Variants in NAV2 observed in about 807,000 individuals in gnomAD.
The protein encoded by NAV2 is helicase, APC down-regulated 1.
Under a neutral mutation model 223.2 loss-of-function variants are expected in NAV2, and 54 were observed. The observed-to-expected ratio is 0.24, with a 90% CI of 0.19 to 0.30. The LOEUF is 0.30. NAV2 is among the 10% of genes least tolerant of loss of function. NAV2 has a pLI of 1.00. For missense variants in NAV2, 2,806 were observed against 3,147.5 expected (o/e 0.89, Z 2.60); for synonymous variants, 1,279 against 1,239.3 (o/e 1.03, Z -0.67).
At chr11:19,701,364 G>A (rs559133880) in intron 1 of NAV2, among the ~76,000 whole-genome samples, 91 of 152,292 alleles carry the variant, frequency 6.0e-4, no homozygotes, top group Admixed American at 4.7e-3. Flanking sequence ...CAGCTTTGTC[G>A]GCCAGCCGCC....
intron 1 of NAV2, among the ~76,000 whole-genome samples, chr11:19,633,911 C>T (rs1224758505): frequency 1.3e-5 from 2 of 152,210 alleles, no homozygotes; most frequent in Non-Finnish European, 2.9e-5. Flanking sequence ...CTTTATCTGA[C>T]AAATGGGGAT....
intron 1 of NAV2, among the ~76,000 whole-genome samples, chr11:19,606,938 G>GGA (rs2046488493): frequency 6.6e-6 from 1 of 152,182 alleles, no homozygotes; most frequent in Admixed American, 6.5e-5. Flanking sequence ...CATTTTAACA[G>GGA]GATCTCCAAG....
In NAV2 at chr11:19,815,393, C is replaced by T. The variant is rs1590696550; in HGVS notation, c.268-17091C>T. Among the ~76,000 whole-genome samples the T allele has an allele frequency of 5.3e-5, 8 of 152,204 alleles. No homozygotes were observed. The South Asian group carries it at 1.7e-3, about 32-fold the overall frequency. On this transcript the variant is annotated intron_variant, in intron 1 of 37. Transcript: ENST00000349880. ...ATTTTTAACTCCTGGGGTCTAGGCT[C>T]ACTGCCCTGTGGAAGAGATTTCTTT...
At chr11:19,763,445 G>T (rs1442817783) in intron 1 of NAV2, among the ~76,000 whole-genome samples, 2 of 152,158 alleles carry the variant, frequency 1.3e-5, no homozygotes, top group African/African-American at 2.4e-5. Context: ...TCAGGGAAAT[G>T]GTGTAGACCC....
chr11:19,632,455 C>A (rs1391959831), intron 1 of NAV2, among the ~76,000 whole-genome samples: 1 of 151,974 alleles, frequency 6.6e-6, no homozygotes, highest in Non-Finnish European at 1.5e-5. Context: ...GGGAGTTATT[C>A]CACAATTGCA....
chr11:19,471,434 T>C (rs898683630), intron 1 of NAV2, among the ~76,000 whole-genome samples: 20 of 152,152 alleles, frequency 1.3e-4, no homozygotes, highest in Non-Finnish European at 2.4e-4. Context: ...ATTTCTTGAG[T>C]GCTTCCTCTG....
At chr11:19,759,284 C>T (rs970107657) in intron 1 of NAV2, among the ~76,000 whole-genome samples, 7 of 151,886 alleles carry the variant, frequency 4.6e-5, no homozygotes, top group African/African-American at 9.7e-5. Flanking sequence ...GGGGTTTCAC[C>T]GTGTTAGCCA....
intron 10 of NAV2, among the ~76,000 whole-genome samples, chr11:19,967,402 T>A (rs527852332): frequency 3.0e-3 from 95 of 32,130 alleles, no homozygotes; most frequent in African/African-American, 0.011. Context: ...AAGGCAGAGG[T>A]TTTTTTTTAG....
intron 22 of NAV2, among the ~76,000 whole-genome samples, chr11:20,073,743 C>G (rs1411188841): frequency 6.6e-6 from 1 of 151,040 alleles, no homozygotes; most frequent in African/African-American, 2.5e-5. Flanking sequence ...ATAGTATTCT[C>G]TGATGGTAGT....
intron 1 of NAV2, among the ~76,000 whole-genome samples, chr11:19,666,215 A>G (rs879575228): frequency 4.6e-5 from 7 of 152,198 alleles, no homozygotes; most frequent in Non-Finnish European, 7.3e-5. Flanking sequence ...CCAGCTTTCA[A>G]TATTTAATGT....
At chr11:19,417,455 G>T (rs1235039691) in intron 1 of NAV2, among the ~76,000 whole-genome samples, 1 of 152,196 alleles carries the variant, frequency 6.6e-6, no homozygotes, top group Non-Finnish European at 1.5e-5. Flanking sequence ...ACAGATGCTG[G>T]AGAGGATGTG....
intron 1 of NAV2, among the ~76,000 whole-genome samples, chr11:19,736,413 C>T (rs577478180): frequency 1.2e-4 from 18 of 152,286 alleles, no homozygotes; most frequent in African/African-American, 4.3e-4. Context: ...TCCTCCTTGG[C>T]AGTCCCAGGT....
intron 1 of NAV2, among the ~76,000 whole-genome samples, chr11:19,393,892 A>AG (rs1312390024): frequency 2.8e-5 from 1 of 35,380 alleles, no homozygotes; most frequent in Non-Finnish European, 7.0e-5. Flanking sequence ...TTATAACTTA[A>AG]GGGTTTTTTT....
intron 3 of NAV2, among the ~76,000 whole-genome samples, chr11:19,845,170 A>G (rs1235951254): frequency 6.6e-6 from 1 of 152,212 alleles, no homozygotes; most frequent in Non-Finnish European, 1.5e-5. Context: ...GTGTGCACAC[A>G]AGCATATATA....
intron 37 of NAV2, 135 bp downstream of exon 37, chr11:20,114,930 G>A (rs1335001010): frequency 9.7e-6 from 8 of 825,822 alleles, no homozygotes; most frequent in Admixed American, 3.0e-5. Context: ...AAATGACTGG[G>A]CCATTTTTGC....
rs189567866 is a variant in NAV2 at position 19,564,518 on chromosome 11, G to A, written c.75+213491G>A. Among the ~76,000 whole-genome samples, 505 of 152,302 alleles carry A rather than the reference G, an allele frequency of 3.3e-3. 6 individuals carry two copies. Among genetic ancestry groups the A allele is most frequent in the African/African-American group, 0.012 (484 of 41,572 alleles). On this transcript the variant is annotated intron_variant, in intron 1 of 37. Transcript: ENST00000360655. ...GTGCTGGCTGCCGGGCCTTTCTAAG[G>A]AGACTCTTGGCAGAGCTCTGATCTG...
intron 1 of NAV2, among the ~76,000 whole-genome samples, chr11:19,728,957 C>T (rs1023286311): frequency 2.8e-4 from 43 of 152,038 alleles, no homozygotes; most frequent in African/African-American, 9.9e-4. Context: ...AAGAGTGCAC[C>T]CCTTCCTTCA....
chr11:20,038,874 T>A (rs150255244), intron 12 of NAV2, among the ~76,000 whole-genome samples: 3 of 152,318 alleles, frequency 2.0e-5, no homozygotes, highest in African/African-American at 7.2e-5. Context: ...AGTTATTGTC[T>A]GGAAAACCTA....
intron 1 of NAV2, among the ~76,000 whole-genome samples, chr11:19,645,516 C>A (rs1041948576): frequency 6.6e-6 from 1 of 152,062 alleles, no homozygotes; most frequent in African/African-American, 2.4e-5. Flanking sequence ...TAATGTCTGC[C>A]CAGGACCTGG....
Sources: gnomAD v4.1 joint callset for allele counts (sites outside exome capture counted in the v4.1 genomes callset) on GRCh38, gnomAD v4.1.1 for gene constraint, MANE v1.5 for transcripts, NCBI Gene and HGNC (gene_info 2026-07-23, HGNC 2026-07-21) for gene names.